The following FN1 variants were observed in gnomAD, a reference collection of about 807,000 sequenced individuals.
FN1 encodes fibronectin 1.
In FN1, 106 loss-of-function variants were observed where a neutral mutation model predicts 297.3. The observed-to-expected ratio is 0.36, with a 90% confidence interval of 0.30 to 0.42. The LOEUF is 0.42. FN1 is among the 10% of genes least tolerant of loss of function. The pLI is 1.00. For missense variants in FN1, 2,690 were observed against 3,124.9 expected, an observed-to-expected ratio of 0.86 and a Z score of 3.32; for synonymous variants, 1,149 against 1,152.6, an observed-to-expected ratio of 1.00 and a Z score of 0.06.
intron 44 of FN1, 168 bp from the exon 45 acceptor site, chr2:215,362,247 T>C: frequency 1.5e-6 from 1 of 652,480 alleles, no homozygotes; most frequent in Non-Finnish European, 2.8e-6. Flanking sequence ...TAACTCTTAA[T>C]ACATTTTGGC....
intron 45 of FN1, 74 bp from the exon 46 acceptor site, chr2:215,361,700 G>T: frequency 8.4e-7 from 1 of 1,196,848 alleles, no homozygotes; most frequent in Non-Finnish European, 1.2e-6. Flanking sequence ...AATGCGGGGA[G>T]GTGGGGACTC....
At chr2:215,421,348 T>C (rs1479872563) in intron 10 of FN1, 2 of 191,404 alleles carry the variant, frequency 1.0e-5, no homozygotes, top group East Asian at 1.4e-4. Context: ...CCTGAGAAAA[T>C]TACTTTTTCC....
In FN1 at chr2:215,375,651, A is replaced by G. The variant is rs1347946705; in HGVS notation, c.5955T>C (p.Pro1985=). Residue 1985 remains proline (P), a synonymous_variant, in exon 37 of 46, where the codon CCT becomes CCC. Transcript: ENST00000354785. ...YTLNDNARSS[P]VVIDASTAID... ...TACCAGTGGAGGCGTCGATGACCAC[A>G]GGGGAGCTCCGAGCATTGTCATTCA... 2 of 1,612,052 alleles carry G rather than the reference A, an allele frequency of 1.2e-6. No homozygotes were observed. The highest frequency in any genetic ancestry group is 1.7e-6 in the Non-Finnish European group (2 of 1,178,114).
At chr2:215,404,318 G>GTT in intron 20 of FN1, 71 bp downstream of exon 20, 3 of 1,392,144 alleles carry the variant, frequency 2.2e-6, no homozygotes, top group South Asian at 1.3e-5. Context: ...GTTTTGTTTT[G>GTT]TTTTGTTTTA....
intron 28 of FN1, among the ~76,000 whole-genome samples, chr2:215,386,418 C>T (rs1383607641): frequency 6.6e-6 from 1 of 151,914 alleles, no homozygotes; most frequent in Non-Finnish European, 1.5e-5. Context: ...ATTAGAAATG[C>T]ATAAATACCC....
At chr2:215,430,244 G>A (rs1478389604) in intron 5 of FN1, among the ~76,000 whole-genome samples, 1 of 152,140 alleles carries the variant, frequency 6.6e-6, no homozygotes, top group African/African-American at 2.4e-5. Context: ...CAAACCCAAA[G>A]GCAACAATTA....
chr2:215,372,011 T>C lies in FN1; in HGVS notation c.6612A>G (p.Gln2204=), dbSNP rs1395087162. 6.2e-7 allele frequency: 1 copy of C among 1,614,230 alleles called. No homozygotes were observed. The highest frequency in any genetic ancestry group is 2.2e-5 in the East Asian group (1 of 44,890). ...PGLNPNASTG[Q]EALSQTTISW... ...AGATGGTTGTCTGAGAGAGAGCTTC[T>C]TGTCCTGTAGAGGCATTTGGATTGA... is the stretch of plus-strand genomic sequence containing the variant. The change falls in exon 40 of 46, where the codon CAA becomes CAG. Residue 2204 remains glutamine (Q), a synonymous_variant. Transcript: ENST00000354785.
At chr2:215,416,631 G>A (rs2063468553) in intron 12 of FN1, among the ~76,000 whole-genome samples, 1 of 152,138 alleles carries the variant, frequency 6.6e-6, no homozygotes, top group African/African-American at 2.4e-5. Flanking sequence ...AGAGACACCT[G>A]ATATACACTT....
At position 215,406,452 on chromosome 2, in the gene FN1, G is replaced by A. The variant is rs140711133; in HGVS notation, c.2772C>T (p.Thr924=). The stretch of plus-strand genomic sequence containing the variant: ...CACTCTCAGGCGGTGTCCACATGAT[G>A]GTGACCTTCACGTCTGTCACTTCCA... ...QFVEVTDVKV[T]IMWTPPESAV... Residue 924 remains threonine, a synonymous_variant, in exon 19 of 46, where the codon ACC becomes ACT. Transcript: ENST00000354785. 4.2e-5 allele frequency: 68 copies of A among 1,614,026 alleles called. No individual in the cohort carries two copies. The African/African-American group carries it at 8.7e-4, about 21-fold the overall frequency.
chr2:215,414,689 C>CAT, intron 13 of FN1, 148 bp downstream of exon 13: 1 of 1,438,366 alleles, frequency 7.0e-7, no homozygotes, highest in African/African-American at 1.4e-5. Context: ...TAATTGACCA[C>CAT]ATATTGTTTG....
chr2:215,422,275 T>A (rs926513103), intron 9 of FN1, 32 bp from the exon 10 acceptor site: 2 of 1,606,938 alleles, frequency 1.2e-6, no homozygotes, highest in Admixed American at 1.7e-5. Flanking sequence ...ATGCACTTGA[T>A]AAATGATCAC....
chr2:215,370,273 A>C (rs759556957), intron 41 of FN1, 21 bp downstream of exon 41: 21 of 1,613,392 alleles, frequency 1.3e-5, no homozygotes, highest in Non-Finnish European at 1.7e-5. Context: ...GCCTGTGTCT[A>C]AATAGTACGT....
rs868373544 is a variant in FN1 at position 215,377,069 on chromosome 2, A to T, written c.5711-395T>A. On this transcript the variant is annotated intron_variant, in intron 35 of 45. Coordinates refer to ENST00000354785, the MANE Select transcript of FN1 (RefSeq NM_212482.4). Reference sequence around the variant, plus strand: ...GTGTGTGTGTGTGTATGTGTGTGTGAGAGAGAGAGAGAGTGTGTGTGTGTG... The same window carrying T: ...GTGTGTGTGTGTGTATGTGTGTGTGTGAGAGAGAGAGAGTGTGTGTGTGTG... Among the ~76,000 whole-genome samples, 572 of 74,228 alleles carry T rather than the reference A, an allele frequency of 7.7e-3. 4 individuals carry two copies. The highest frequency in any genetic ancestry group is 0.017 in the African/African-American group (494 of 29,744). The allele number at this position is 74,228 out of a possible 152,430, so 48.7% of individuals were successfully genotyped here.
rs147150819 is a variant in FN1 at position 215,384,870 on chromosome 2, G to A, written c.4719C>T (p.Tyr1573=). Residue 1573 remains tyrosine (Y), a synonymous_variant, in exon 29 of 46, where the codon TAC becomes TAT. Coordinates refer to ENST00000354785, the MANE Select transcript of FN1 (RefSeq NM_212482.4). The stretch of plus-strand genomic sequence containing the variant: ...ATTTTACTGCTGTACCTGTCTCTCC[G>A]TAAGTGATCCTGTAATATCTCACTG... ...AVTVRYYRIT[Y]GETGGNSPVQ... 6.0e-5 allele frequency: 97 copies of A among 1,603,360 alleles called. 1 individual carries two copies. The highest frequency in any genetic ancestry group is 2.4e-4 in the South Asian group (22 of 90,870).
Position 215,360,887 on chromosome 2 carries a change from A to AAC in FN1, c.*666_*667dup, listed in dbSNP as rs1433854134. ...TTGTGGAATGTAAATCTTTTATTAAAACAGTTGTCTTTCCACAGTAGTAAA... is the reference window on the plus strand; with the variant it reads ...TTGTGGAATGTAAATCTTTTATTAAAACACAGTTGTCTTTCCACAGTAGTAAA... On this transcript the variant is annotated 3_prime_UTR_variant, in exon 46 of 46. Transcript: ENST00000354785. 1 of 152,678 alleles carries AAC rather than the reference A, an allele frequency of 6.5e-6. No homozygotes were observed. Among genetic ancestry groups the AAC allele is most frequent in the African/African-American group, 2.4e-5 (1 of 41,458 alleles). The allele number at this position is 152,678 out of a possible 1,614,324, so 9.5% of individuals were successfully genotyped here.
chr2:215,414,989 T>G, intron 12 of FN1, 31 bp from the exon 13 acceptor site: 1 of 1,572,296 alleles, frequency 6.4e-7, no homozygotes, highest in African/African-American at 1.3e-5. Context: ...TTTAATTATC[T>G]TGAATATTCA....
intron 41 of FN1, among the ~76,000 whole-genome samples, chr2:215,369,778 A>G (rs1394616555): frequency 6.6e-6 from 1 of 152,232 alleles, no homozygotes; most frequent in Non-Finnish European, 1.5e-5. Context: ...TGGAAATAAC[A>G]TTGGAATAAC....
At chr2:215,401,283 AAG>A (rs1491011518) in intron 20 of FN1, among the ~76,000 whole-genome samples, 1 of 90,432 alleles carries the variant, frequency 1.1e-5, no homozygotes, top group Non-Finnish European at 2.5e-5. Context: ...AAAGGAAAGG[AAG>A]AAAAGAGAGA....
intron 44 of FN1, among the ~76,000 whole-genome samples, chr2:215,363,860 G>A (rs1342632176): frequency 6.6e-6 from 1 of 152,184 alleles, no homozygotes; most frequent in East Asian, 1.9e-4. Flanking sequence ...TGGTTGAGAA[G>A]TACTGGCTTA....
Sources: gnomAD v4.1 joint callset for allele counts (sites outside exome capture counted in the v4.1 genomes callset) on GRCh38, gnomAD v4.1.1 for gene constraint, MANE v1.5 for transcripts, NCBI Gene and HGNC (gene_info 2026-07-23, HGNC 2026-07-21) for gene names.